Variants in GRM5 observed in about 807,000 individuals in gnomAD.
The protein encoded by GRM5 is glutamate metabotropic receptor 5.
GRM5 carries 19 observed loss-of-function variants against 83.1 expected under a neutral mutation model. The ratio of observed to expected loss-of-function variants is 0.23; its 90% CI spans 0.16 to 0.34. The LOEUF (loss-of-function observed/expected upper bound fraction) is 0.34, where lower values mean the gene tolerates loss of function less well. Ranked by LOEUF, GRM5 falls within the 10% of genes least tolerant of loss-of-function variation. The probability of loss-of-function intolerance (pLI) is 1.00; values close to 1 mark genes in which losing one functional copy is unlikely to be tolerated. For missense variants in GRM5, 1,160 were observed against 1,588.3 expected (o/e 0.73, Z 4.58); for synonymous variants, 675 against 633.6 (o/e 1.07, Z -0.98).
At chr11:88,987,802 G>C (rs1272179766) in intron 2 of GRM5, among the ~76,000 whole-genome samples, 2 of 151,662 alleles carry the variant, frequency 1.3e-5, no homozygotes, top group Admixed American at 6.6e-5. Flanking sequence ...TGAGGGTCCT[G>C]TCTGTTAGAA....
intron 3 of GRM5, among the ~76,000 whole-genome samples, chr11:88,665,782 AT>A (rs11377369): frequency 1.6e-4 from 24 of 148,234 alleles, no homozygotes; most frequent in African/African-American, 5.7e-4. Context: ...AAGGCTGAAT[AT>A]TTTTTTTTTA....
At chr11:88,529,198 T>G (rs1830928177) in intron 8 of GRM5, among the ~76,000 whole-genome samples, 1 of 151,922 alleles carries the variant, frequency 6.6e-6, no homozygotes, top group African/African-American at 2.4e-5. Context: ...GTCCATGTGC[T>G]GGGCACTGTG....
rs111948279 is a variant in GRM5 at position 88,685,077 on chromosome 11, G to A, written c.912-31674C>T. Among the ~76,000 whole-genome samples, 839 of 152,280 alleles carry A rather than the reference G, an allele frequency of 5.5e-3. 6 individuals are homozygous for A. Among genetic ancestry groups the A allele is most frequent in the African/African-American group, 0.02 (814 of 41,550 alleles). ...TTCGAACAGTTTGGAGGGCTCAGAAGAAGACAAGAATATGTAGGAAAGTTT... is the reference window on the plus strand; with the variant it reads ...TTCGAACAGTTTGGAGGGCTCAGAAAAAGACAAGAATATGTAGGAAAGTTT... On this transcript the variant is annotated intron_variant, in intron 3 of 9. Coordinates refer to ENST00000305447, the MANE Select transcript of GRM5 (RefSeq NM_001143831.3).
rs368703206 is a variant in GRM5, at chr11:88,918,325, A to G, written c.662-68170T>C. On this transcript the variant is annotated intron_variant, in intron 2 of 9. Transcript: ENST00000305447. ...ATTCCCCTGGCAAAGAAATATACCTAATGCTAGATGACAAGTTAGTGGGTG... is the reference window on the plus strand; with the variant it reads ...ATTCCCCTGGCAAAGAAATATACCTGATGCTAGATGACAAGTTAGTGGGTG... Among the ~76,000 whole-genome samples the G allele has an allele frequency of 1.2e-3, 186 of 152,232 alleles. 1 individual carries two copies. Among genetic ancestry groups the G allele is most frequent in the South Asian group, 0.011 (55 of 4,830 alleles).
intron 2 of GRM5, among the ~76,000 whole-genome samples, chr11:89,028,659 G>A (rs1421962926): frequency 4.6e-5 from 7 of 152,246 alleles, no homozygotes; most frequent in Non-Finnish European, 7.4e-5. Flanking sequence ...ATCACATGAC[G>A]AAAGTGTTTG....
intron 8 of GRM5, among the ~76,000 whole-genome samples, chr11:88,542,016 C>T (rs189275750): frequency 6.6e-6 from 1 of 152,166 alleles, no homozygotes; most frequent in Non-Finnish European, 1.5e-5. Flanking sequence ...GAAGAAGGTA[C>T]CTGCTTAACA....
chr11:88,985,846 A>C (rs1248479970), intron 2 of GRM5, among the ~76,000 whole-genome samples: 1 of 152,184 alleles, frequency 6.6e-6, no homozygotes, highest in Non-Finnish European at 1.5e-5. Context: ...AAGTTATCAA[A>C]ACATAACTGC....
intron 3 of GRM5, among the ~76,000 whole-genome samples, chr11:88,723,626 A>T (rs1470146602): frequency 6.6e-6 from 1 of 152,008 alleles, no homozygotes; most frequent in Non-Finnish European, 1.5e-5. Context: ...AAACCTCTGA[A>T]CACTCAAGCA....
intron 2 of GRM5, among the ~76,000 whole-genome samples, chr11:88,924,031 T>C (rs659891): frequency 0.96 from 145,234 of 151,624 alleles, 69,641 homozygotes; most frequent in East Asian, 0.99. Context: ...ATACAAATTG[T>C]CAACAGACAC....
intron 2 of GRM5, among the ~76,000 whole-genome samples, chr11:88,937,556 A>G (rs569006550): frequency 1.3e-5 from 2 of 151,810 alleles, no homozygotes; most frequent in East Asian, 1.9e-4. Flanking sequence ...CAGCATTCAC[A>G]TGGCTGGATA....
chr11:88,868,368 T>A (rs1756860506), intron 2 of GRM5, among the ~76,000 whole-genome samples: 1 of 151,188 alleles, frequency 6.6e-6, no homozygotes, highest in Admixed American at 6.6e-5. Context: ...TCTTTCTAAG[T>A]CTTTTTTTTC....
intron 9 of GRM5, among the ~76,000 whole-genome samples, chr11:88,518,794 T>C (rs1322017545): frequency 6.6e-6 from 1 of 151,618 alleles, no homozygotes; most frequent in Non-Finnish European, 1.5e-5. Context: ...TTTATTAAGA[T>C]TGTAATTTCC....
At chr11:88,821,954 G>C (rs368034035) in intron 3 of GRM5, among the ~76,000 whole-genome samples, 1 of 151,930 alleles carries the variant, frequency 6.6e-6, no homozygotes, top group Admixed American at 6.6e-5. Context: ...ATCATGAAGC[G>C]GCTTATGCTT....
At chr11:88,920,113 T>C (rs986270944) in intron 2 of GRM5, among the ~76,000 whole-genome samples, 4 of 152,020 alleles carry the variant, frequency 2.6e-5, no homozygotes, top group African/African-American at 7.2e-5. Context: ...AATGAAAAGA[T>C]GGTTTTCTGA....
At chr11:88,716,323 A>T (rs1388439886) in intron 3 of GRM5, among the ~76,000 whole-genome samples, 1 of 151,930 alleles carries the variant, frequency 6.6e-6, no homozygotes, top group Non-Finnish European at 1.5e-5. Context: ...GCACATAGTG[A>T]ACTGTCAGTG....
intron 3 of GRM5, among the ~76,000 whole-genome samples, chr11:88,687,743 G>A (rs1035622304): frequency 6.8e-6 from 1 of 147,390 alleles, no homozygotes; most frequent in African/African-American, 2.5e-5. Context: ...CAAAACCTCT[G>A]TCAGCAACAT....
chr11:89,003,193 A>G (rs1184058827), intron 2 of GRM5, among the ~76,000 whole-genome samples: 1 of 152,204 alleles, frequency 6.6e-6, no homozygotes, highest in Non-Finnish European at 1.5e-5. Flanking sequence ...CATGCTACAC[A>G]ACCCTTGCTC....
intron 4 of GRM5, among the ~76,000 whole-genome samples, chr11:88,628,291 A>G (rs1230161652): frequency 6.6e-6 from 1 of 152,224 alleles, no homozygotes; most frequent in East Asian, 1.9e-4. Context: ...GATGGAAGAG[A>G]TTAACCGCTA....
chr11:88,684,220 G>A lies in GRM5; in HGVS notation c.912-30817C>T, dbSNP rs1591438366. The stretch of plus-strand genomic sequence containing the variant: ...ACTTTGAATAGGTAGAGAGGAACAC[G>A]ATCACATTTGATTTGTAAATCATTT... On this transcript the variant is annotated intron_variant, in intron 3 of 9. Coordinates refer to ENST00000305447, the MANE Select transcript of GRM5 (RefSeq NM_001143831.3). Among the ~76,000 whole-genome samples, 5 of 152,280 alleles carry A rather than the reference G, an allele frequency of 3.3e-5. No homozygotes were observed. The South Asian group carries it at 1.0e-3, about 32-fold the overall frequency.
Sources: allele counts gnomAD v4.1 joint callset (sites outside exome capture counted in the v4.1 genomes callset), GRCh38; gene constraint gnomAD v4.1.1; transcripts MANE v1.5; gene names NCBI Gene and HGNC (gene_info 2026-07-23, HGNC 2026-07-21).